Variants in RNF150 observed in about 807,000 individuals in gnomAD.
The protein encoded by RNF150 is ring finger protein 150.
Under a neutral mutation model 39.3 loss-of-function variants are expected in RNF150, and 24 were observed. That is an observed-to-expected ratio of 0.61 (90% confidence interval 0.44 to 0.86). The LOEUF (loss-of-function observed/expected upper bound fraction) is 0.86, where lower values mean the gene tolerates loss of function less well. Ranked by LOEUF, RNF150 falls within the 40% of genes least tolerant of loss-of-function variation. RNF150 has a pLI of 0.00. For synonymous variants in RNF150, 255 were observed against 227.3 expected (o/e 1.12, Z -1.10); for missense variants, 502 against 587.8 (o/e 0.85, Z 1.51).
intron 2 of RNF150, among the ~76,000 whole-genome samples, chr4:140,962,495 C>T (rs574042125): frequency 2.0e-5 from 3 of 150,676 alleles, no homozygotes; most frequent in Admixed American, 6.6e-5. Flanking sequence ...CACACACACA[C>T]ATATATATAT....
intron 1 of RNF150, among the ~76,000 whole-genome samples, chr4:141,142,911 C>T (rs1215869915): frequency 6.6e-6 from 1 of 151,636 alleles, no homozygotes; most frequent in Non-Finnish European, 1.5e-5. Flanking sequence ...TCTCTGTCAC[C>T]CAGGCTGGAG....
chr4:140,905,284 A>T (rs1045444602), intron 6 of RNF150, among the ~76,000 whole-genome samples: 1 of 152,154 alleles, frequency 6.6e-6, no homozygotes, highest in Non-Finnish European at 1.5e-5. Context: ...TTTAGTAGAG[A>T]TAGCAGCCAA....
intron 1 of RNF150, among the ~76,000 whole-genome samples, chr4:141,004,322 A>G (rs1734786634): frequency 6.6e-6 from 1 of 152,148 alleles, no homozygotes; most frequent in Admixed American, 6.5e-5. Flanking sequence ...GCAATGTTCT[A>G]GAAAGGAGCC....
chr4:140,998,971 C>G (rs1734480610), intron 1 of RNF150, among the ~76,000 whole-genome samples: 1 of 152,190 alleles, frequency 6.6e-6, no homozygotes, highest in African/African-American at 2.4e-5. Flanking sequence ...GAGACTAAAT[C>G]TACTTTAGAT....
intron 1 of RNF150, among the ~76,000 whole-genome samples, chr4:141,062,741 T>C (rs111576618): frequency 1.0e-3 from 154 of 152,256 alleles, no homozygotes; most frequent in African/African-American, 3.6e-3. Flanking sequence ...TATATTGTAT[T>C]ATGCTGAGAT....
In RNF150 at chr4:140,861,696, G is replaced by A. The variant is rs570547176; in HGVS notation, c.*6565C>T. 9.9e-5 allele frequency: 15 copies of A among 152,232 alleles called. No individual in the cohort carries two copies. Among genetic ancestry groups the A allele is most frequent in the South Asian group, 2.1e-4 (1 of 4,818 alleles). 9.4% of individuals were successfully genotyped at this position (152,232 alleles called of 1,614,324 possible). A position where few individuals can be genotyped will look rare whatever the true frequency, so the allele number is the denominator to read the frequency against. On this transcript the variant is annotated 3_prime_UTR_variant, in exon 7 of 7. Coordinates refer to ENST00000515673, the MANE Select transcript of RNF150 (RefSeq NM_020724.2). The stretch of plus-strand genomic sequence containing the variant: ...CAGGCAACAGTTTTGTATCTTCTTC[G>A]AAAGAGCAGGATATACTATATTTAG...
At chr4:140,872,954 GGTTTTT>G (rs1045514356) in intron 6 of RNF150, among the ~76,000 whole-genome samples, 7 of 152,118 alleles carry the variant, frequency 4.6e-5, no homozygotes, top group African/African-American at 1.2e-4. Flanking sequence ...AGAGATGAGA[GGTTTTT>G]GTTTTTGTTT....
At chr4:141,053,585 A>C in intron 1 of RNF150, 1 of 652,852 alleles carries the variant, frequency 1.5e-6, no homozygotes, top group Non-Finnish European at 2.3e-6. Flanking sequence ...ATGGGGAAAG[A>C]AAATTGATTA....
chr4:141,010,861 C>T (rs1384931553), intron 1 of RNF150, among the ~76,000 whole-genome samples: 5 of 152,096 alleles, frequency 3.3e-5, no homozygotes, highest in Non-Finnish European at 5.9e-5. Flanking sequence ...GCGGGTTCTG[C>T]ATGGGCTCCT....
At chr4:141,209,478 A>G (rs1728429628) in intron 1 of RNF150, among the ~76,000 whole-genome samples, 1 of 152,168 alleles carries the variant, frequency 6.6e-6, no homozygotes. Context: ...ATATTTTTGC[A>G]TATATTTCCT....
chr4:140,870,980 TTCTC>T (rs146835294), intron 6 of RNF150, among the ~76,000 whole-genome samples: 21 of 149,034 alleles, frequency 1.4e-4, no homozygotes, highest in African/African-American at 4.0e-4. Flanking sequence ...ACAATAAGAA[TTCTC>T]TCTCTCTCTC....
upstream of RNF150, among the ~76,000 whole-genome samples, chr4:141,134,080 T>G (rs1444035657): frequency 6.6e-6 from 1 of 152,210 alleles, no homozygotes; most frequent in African/African-American, 2.4e-5. Flanking sequence ...AGAATAGGTG[T>G]TTTGTCACTC....
At chr4:141,197,408 A>G (rs1016216959) in intron 1 of RNF150, among the ~76,000 whole-genome samples, 1 of 152,178 alleles carries the variant, frequency 6.6e-6, no homozygotes, top group African/African-American at 2.4e-5. Flanking sequence ...ATGGCACTTA[A>G]TGTATTTATT....
intron 1 of RNF150, among the ~76,000 whole-genome samples, chr4:141,200,119 T>C (rs1728267580): frequency 1.3e-5 from 2 of 152,200 alleles, no homozygotes; most frequent in Non-Finnish European, 1.5e-5. Context: ...GAATAGCTTA[T>C]ATAAGCAAGA....
chr4:140,995,392 T>C (rs1056394917), intron 1 of RNF150, among the ~76,000 whole-genome samples: 14 of 152,196 alleles, frequency 9.2e-5, no homozygotes, highest in Admixed American at 3.3e-4. Flanking sequence ...GCTGCAGTCA[T>C]ATTTATAACC....
At chr4:141,172,797 G>C (rs1727751202) in intron 1 of RNF150, among the ~76,000 whole-genome samples, 1 of 152,128 alleles carries the variant, frequency 6.6e-6, no homozygotes, top group South Asian at 2.1e-4. Flanking sequence ...GGCCGAGGTG[G>C]GCAGATCACC....
rs114271674 is a variant in RNF150, at chr4:140,956,077, G to A, written c.736-6705C>T. ...AATATTGTTTATGAAAACCAAAAAA[G>A]ATCCCTACTTAGTTTATCTGATCTG... is the stretch of plus-strand genomic sequence containing the variant. On this transcript the variant is annotated intron_variant, in intron 2 of 6. Transcript: ENST00000515673. Among the ~76,000 whole-genome samples the A allele has an allele frequency of 6.6e-3, 1,011 of 152,284 alleles. 11 individuals are homozygous for A. Among genetic ancestry groups the A allele is most frequent in the African/African-American group, 0.018 (746 of 41,564 alleles).
intron 1 of RNF150, among the ~76,000 whole-genome samples, chr4:141,206,597 GC>G (rs1000806020): frequency 5.9e-5 from 9 of 151,770 alleles, no homozygotes; most frequent in Non-Finnish European, 1.0e-4. Context: ...TAGTCAGAAT[GC>G]CCCCCCAGTT....
At chr4:141,118,156 C>T (rs192855302) in intron 1 of RNF150, among the ~76,000 whole-genome samples, 26 of 152,192 alleles carry the variant, frequency 1.7e-4, no homozygotes, top group Non-Finnish European at 2.6e-4. Flanking sequence ...GTGTCAGACC[C>T]GTTACATGGC....
Sources: gnomAD v4.1 joint callset for allele counts (sites outside exome capture counted in the v4.1 genomes callset) on GRCh38, gnomAD v4.1.1 for gene constraint, MANE v1.5 for transcripts, NCBI Gene and HGNC (gene_info 2026-07-23, HGNC 2026-07-21) for gene names.